Variants in NEB observed in about 807,000 individuals in gnomAD.
The protein encoded by NEB is nebulin.
In NEB, 512 loss-of-function variants were observed where a neutral mutation model predicts 952.2. The ratio of observed to expected loss-of-function variants is 0.54; its 90% confidence interval spans 0.50 to 0.58. The LOEUF is 0.58. Among genes scored for constraint, NEB ranks in the 20% least tolerant of loss-of-function variants. The pLI is 0.00. For synonymous variants in NEB, 2,900 were observed against 3,149.8 expected (o/e 0.92, Z 2.66); for missense variants, 8,428 against 9,231.1 (o/e 0.91, Z 3.56).
At chr2:151,672,275 C>A in intron 37 of NEB, 94 bp downstream of exon 37, 1 of 1,222,130 alleles carries the variant, frequency 8.2e-7, no homozygotes, top group Admixed American at 2.8e-5. Flanking sequence ...GTGCATTTGT[C>A]AAATAGCTGA....
At chr2:151,541,383 G>A in intron 136 of NEB, 64 bp downstream of exon 136, 3 of 1,290,296 alleles carry the variant, frequency 2.3e-6, no homozygotes, top group Non-Finnish European at 3.3e-6. Flanking sequence ...GCCAGGTGAG[G>A]CCAGGCACAT....
At chr2:151,716,732 A>C (rs1026630269) in intron 10 of NEB, among the ~76,000 whole-genome samples, 3 of 152,206 alleles carry the variant, frequency 2.0e-5, no homozygotes, top group Admixed American at 6.5e-5. Flanking sequence ...TCAAAATTCA[A>C]GCAGAACAAA....
In NEB at chr2:151,552,701, C is replaced by G; in HGVS notation, c.19807G>C (p.Ala6603Pro). 6.2e-7 allele frequency: 1 copy of G among 1,613,234 alleles called. No homozygotes were observed. Among genetic ancestry groups the G allele is most frequent in the Non-Finnish European group, 8.5e-7 (1 of 1,179,468 alleles). The change falls in exon 128 of 182, where the codon GCT becomes CCT. Residue 6603 changes from alanine to proline, a missense_variant. This residue lies in a region of NEB where 3,374 missense variants were observed against 3,651.5 expected (regional missense o/e 0.92). Transcript: ENST00000397345. ...CTTAGCTGTTTCCCACTTTTGACAG[C>G]CTGCACGTAGACTGGTGTATCTGTG... ...LVTDTPVYVQ[A>P]VKSGKQLSDA...
intron 71 of NEB, among the ~76,000 whole-genome samples, chr2:151,622,151 C>T (rs2098430431): frequency 1.3e-5 from 2 of 152,132 alleles, no homozygotes; most frequent in South Asian, 2.1e-4. Context: ...CAGGTGTGTG[C>T]CACCATGCCC....
chr2:151,576,473 A>C (rs1336217020), intron 105 of NEB, 119 bp from the exon 106 acceptor site: 1 of 171,716 alleles, frequency 5.8e-6, no homozygotes, highest in African/African-American at 2.8e-5. Context: ...TAAAATATAT[A>C]TAACATAAAT....
At chr2:151,651,910 C>T (rs1380608155) in intron 52 of NEB, among the ~76,000 whole-genome samples, 3 of 152,134 alleles carry the variant, frequency 2.0e-5, no homozygotes, top group Admixed American at 1.3e-4. Context: ...CTGACCTGAC[C>T]TTCCGTATCA....
rs144230150 is a variant in NEB, at chr2:151,656,931, G to A, written c.6184-467C>T. On this transcript the variant is annotated intron_variant, in intron 48 of 181. Coordinates refer to ENST00000397345, the MANE Select transcript of NEB (RefSeq NM_001164508.2). ...TGTCAGTCATTTACTGATGAGAAAA[G>A]TTTCAATTATGAGACACACAGTGTA... Among the ~76,000 whole-genome samples the A allele has an allele frequency of 3.7e-4, 57 of 152,196 alleles. No homozygotes were observed. In the East Asian group the frequency reaches 0.011, roughly 29 times the overall value.
At chr2:151,513,935 T>C (rs2076180204) in intron 159 of NEB, among the ~76,000 whole-genome samples, 2 of 152,224 alleles carry the variant, frequency 1.3e-5, no homozygotes, top group African/African-American at 4.8e-5. Flanking sequence ...TGAATACTTT[T>C]AGCATTCTCT....
rs1027147124 is a variant in NEB, at chr2:151,723,431, T to C, written c.668A>G (p.Asp223Gly). ...ADKSLFYPYNDSPELRRVAQA... is the reference protein window; with the variant it reads ...ADKSLFYPYNGSPELRRVAQA... ...GGCAACTCTCCTCAGTTCCGGGCTA[T>C]CATTATAGGGGTAAAACAAACTTTT... Residue 223 changes from aspartate (D) to glycine (G), a missense_variant, in exon 9 of 182, where the codon GAT (aspartate) becomes GGT (glycine). Transcript: ENST00000397345. 1 of 1,610,638 alleles carries C rather than the reference T, an allele frequency of 6.2e-7. No homozygotes were observed. Among genetic ancestry groups the C allele is most frequent in the Non-Finnish European group, 8.5e-7 (1 of 1,178,442 alleles).
At chr2:151,729,916 C>T (rs2099801705) in intron 3 of NEB, among the ~76,000 whole-genome samples, 1 of 152,108 alleles carries the variant, frequency 6.6e-6, no homozygotes, top group Non-Finnish European at 1.5e-5. Flanking sequence ...GTTTTTTAAT[C>T]AAGAGAAGCT....
intron 84 of NEB, among the ~76,000 whole-genome samples, chr2:151,605,505 A>G (rs202118466): frequency 0.092 from 10,097 of 109,620 alleles, 132 homozygotes; most frequent in African/African-American, 0.11. Flanking sequence ...ATAACAACAA[A>G]AGTTCTGTGG....
At chr2:151,733,449 G>A (rs1012260055) in intron 2 of NEB, among the ~76,000 whole-genome samples, 1 of 152,150 alleles carries the variant, frequency 6.6e-6, no homozygotes, top group Non-Finnish European at 1.5e-5. Flanking sequence ...TTGAGGTAAG[G>A]AAGTGAGAGA....
Position 151,642,700 on chromosome 2 carries a change from G to A in NEB, c.8266-19C>T. 6.2e-7 allele frequency: 1 copy of A among 1,611,078 alleles called. No individual in the cohort carries two copies. Among genetic ancestry groups the A allele is most frequent in the South Asian group, 1.1e-5 (1 of 90,762 alleles). ...ACAATTTCTAAAATAGACATTAATAGTAAGTTGGATTTATAAAGTGCATTG... is the reference window on the plus strand; with the variant it reads ...ACAATTTCTAAAATAGACATTAATAATAAGTTGGATTTATAAAGTGCATTG... On this transcript the variant is annotated intron_variant, in intron 59 of 181. Transcript: ENST00000397345.
rs565999392 is a variant in NEB, at chr2:151,512,425, A to G, written c.23346+308T>C. Among the ~76,000 whole-genome samples the G allele has an allele frequency of 5.3e-5, 8 of 151,906 alleles. No homozygotes were observed. In the East Asian group the frequency reaches 1.4e-3, roughly 26 times the overall value. ...ACTGCAGCCTCAACCGCCTGGGCTC[A>G]ATTGATCTTCCCACCTCAGCCTTCC... On this transcript the variant is annotated intron_variant, in intron 161 of 181. Transcript: ENST00000397345.
chr2:151,491,996 A>ATT, intron 178 of NEB, 102 bp downstream of exon 178: 1 of 1,272,430 alleles, frequency 7.9e-7, no homozygotes, highest in South Asian at 1.4e-5. Context: ...AGAAAAACAG[A>ATT]TTGAAGTCCT....
At chr2:151,725,697 C>A in intron 5 of NEB, 137 bp from the exon 6 acceptor site, 1 of 640,262 alleles carries the variant, frequency 1.6e-6, no homozygotes, top group South Asian at 2.2e-5. Context: ...TGTCCCCTAC[C>A]CCAACTCTCA....
chr2:151,642,576 C>A lies in NEB; in HGVS notation c.8371G>T (p.Glu2791Ter). The change falls in exon 60 of 182, where the codon GAA (glutamate) becomes TAA (stop). Residue 2791 changes from glutamate (E) to a stop codon, truncating the protein, a stop_gained and splice_region_variant. Coordinates refer to ENST00000397345, the MANE Select transcript of NEB (RefSeq NM_001164508.2). LOFTEE classifies it high-confidence loss of function. ...AATAACTTTCCAAGTATACTTACTT[C>A]ACTTGCAATATCTCTGGAGGCCTTG... The part of the protein sequence containing the change: ...AAKASRDIAS[E>*]FKYKEGYRKQ... The A allele has an allele frequency of 1.2e-6, 2 of 1,607,856 alleles. No homozygotes were observed. The highest frequency in any genetic ancestry group is 1.7e-6 in the Non-Finnish European group (2 of 1,175,818).
Position 151,549,702 on chromosome 2 carries a change from T to G in NEB, c.19983A>C (p.Gly6661=), listed in dbSNP as rs1225490431. The change falls in exon 130 of 182, where the codon GGA becomes GGC. Residue 6661 remains glycine, a synonymous_variant. Coordinates refer to ENST00000397345, the MANE Select transcript of NEB (RefSeq NM_001164508.2). ...YKTSLRTLPT[G]YRLPGDTPHF... is the part of the protein sequence containing the mutation. Reference sequence around the variant, plus strand: ...GAGGAGTGTCACCTGGAAGTCTATATCCAGTGGGCAGGGTGCGCAGGCTGG... The same window carrying G: ...GAGGAGTGTCACCTGGAAGTCTATAGCCAGTGGGCAGGGTGCGCAGGCTGG... 3 of 1,599,270 alleles carry G rather than the reference T, an allele frequency of 1.9e-6. No individual in the cohort carries two copies. The East Asian group carries it at 6.8e-5, about 36-fold the overall frequency.
At chr2:151,502,920 A>G in intron 166 of NEB, 35 bp from the exon 167 acceptor site, 1 of 1,304,808 alleles carries the variant, frequency 7.7e-7, no homozygotes. Context: ...GAGGACATTT[A>G]AAACAGGCAC....
Sources: allele counts gnomAD v4.1 joint callset (sites outside exome capture counted in the v4.1 genomes callset), GRCh38; gene constraint gnomAD v4.1.1; regional missense constraint gnomAD v4.1.1; transcripts MANE v1.5; gene names NCBI Gene and HGNC (gene_info 2026-07-23, HGNC 2026-07-21).